The following MACROD1 variants were observed in gnomAD, a reference collection of about 807,000 sequenced individuals.
The protein encoded by MACROD1 is mono-ADP ribosylhydrolase 1.
A neutral mutation model predicts 41.4 loss-of-function variants in MACROD1; 31 were observed. The observed-to-expected ratio is 0.75, with a 90% CI of 0.56 to 1.01. The LOEUF (loss-of-function observed/expected upper bound fraction) is 1.01. MACROD1 is among the 50% of genes least tolerant of loss of function. The pLI is 0.00. For missense variants in MACROD1, 473 were observed against 460.0 expected (o/e 1.03, Z -0.26); for synonymous variants, 252 against 203.4 (o/e 1.24, Z -2.03).
chr11:64,133,330 T>TGC (rs1420465601), intron 3 of MACROD1, among the ~76,000 whole-genome samples: 3 of 152,190 alleles, frequency 2.0e-5, no homozygotes, highest in African/African-American at 7.2e-5. Flanking sequence ...GGCCAGGCTA[T>TGC]GCCTCAAAAG....
chr11:64,131,261 G>A (rs1423124906), intron 3 of MACROD1, among the ~76,000 whole-genome samples: 2 of 152,220 alleles, frequency 1.3e-5, no homozygotes, highest in African/African-American at 4.8e-5. Context: ...ATAGCTCAGA[G>A]TGACGGGGAG....
At chr11:64,132,552 A>G (rs1325748072) in intron 3 of MACROD1, among the ~76,000 whole-genome samples, 1 of 152,158 alleles carries the variant, frequency 6.6e-6, no homozygotes, top group Non-Finnish European at 1.5e-5. Context: ...GGCCCTCCCC[A>G]GTCAGCGGCT....
At position 64,028,607 on chromosome 11, in the gene MACROD1, C is replaced by A. The variant is rs536666158; in HGVS notation, c.518-13326G>T. 3.3e-5 allele frequency among the ~76,000 whole-genome samples: 5 copies of A among 152,350 alleles called. No individual in the cohort carries two copies. The East Asian group carries it at 9.6e-4, about 29-fold the overall frequency. On this transcript the variant is annotated intron_variant, in intron 3 of 10. Coordinates refer to ENST00000255681, the MANE Select transcript of MACROD1 (RefSeq NM_014067.4). ...GCTCAGCTCTTTAAGAATCCCTCCT[C>A]GGCAGCGGCAGCGTGCTGGTTGCTG...
chr11:64,119,119 G>A (rs371295930), intron 3 of MACROD1: 16 of 167,134 alleles, frequency 9.6e-5, no homozygotes, highest in South Asian at 2.1e-4. Flanking sequence ...GGTCCTTACC[G>A]TTCTTCTTGG....
chr11:64,001,788 G>C (rs1230775639), intron 4 of MACROD1: 8 of 701,448 alleles, frequency 1.1e-5, no homozygotes, highest in African/African-American at 1.7e-5. Flanking sequence ...GGGCGTCCAG[G>C]CTGGAGCTCC....
chr11:64,035,806 C>A (rs1304415235), intron 3 of MACROD1, among the ~76,000 whole-genome samples: 2 of 122,260 alleles, frequency 1.6e-5, no homozygotes, highest in East Asian at 2.4e-4. Flanking sequence ...GAGAGGCGGC[C>A]GCACAGCCTG....
intron 3 of MACROD1, among the ~76,000 whole-genome samples, chr11:64,119,865 A>G (rs1197102061): frequency 6.6e-6 from 1 of 152,170 alleles, no homozygotes; most frequent in Non-Finnish European, 1.5e-5. Context: ...ATGACAGCGA[A>G]TTGGAGAGGG....
At chr11:64,104,829 G>A (rs1010672666) in intron 3 of MACROD1, among the ~76,000 whole-genome samples, 3 of 152,288 alleles carry the variant, frequency 2.0e-5, no homozygotes, top group South Asian at 2.1e-4. Flanking sequence ...CACAACAGGC[G>A]GTGAGTCCTC....
At chr11:64,109,184 C>A (rs1459661571) in intron 3 of MACROD1, among the ~76,000 whole-genome samples, 2 of 152,100 alleles carry the variant, frequency 1.3e-5, no homozygotes, top group African/African-American at 4.8e-5. Context: ...CCAGAAGCTC[C>A]TGGGACATGC....
intron 3 of MACROD1, among the ~76,000 whole-genome samples, chr11:64,033,836 C>T (rs1044498437): frequency 1.3e-5 from 2 of 151,854 alleles, no homozygotes; most frequent in African/African-American, 4.8e-5. Context: ...AGTGAAACGC[C>T]GCCCCCCCAA....
At chr11:64,072,268 T>C (rs1590869142) in intron 3 of MACROD1, among the ~76,000 whole-genome samples, 1 of 151,604 alleles carries the variant, frequency 6.6e-6, no homozygotes, top group African/African-American at 2.4e-5. Flanking sequence ...GGTACAGGGG[T>C]GATGCCGGCC....
chr11:64,085,415 CG>C (rs1216565697), intron 3 of MACROD1, among the ~76,000 whole-genome samples: 1 of 152,156 alleles, frequency 6.6e-6, no homozygotes, highest in Non-Finnish European at 1.5e-5. Context: ...GGACGGAGGG[CG>C]GGGGAGACTG....
At chr11:64,157,057 G>A (rs999705798) in intron 1 of MACROD1, among the ~76,000 whole-genome samples, 7 of 152,070 alleles carry the variant, frequency 4.6e-5, no homozygotes, top group African/African-American at 1.7e-4. Flanking sequence ...AGAAACAGGG[G>A]CCTTAAGCCA....
intron 3 of MACROD1, among the ~76,000 whole-genome samples, chr11:64,016,346 G>T (rs1329821238): frequency 6.6e-6 from 1 of 152,242 alleles, no homozygotes; most frequent in Admixed American, 6.5e-5. Context: ...AGGCCAGGCA[G>T]GTGCCGCCCA....
intron 4 of MACROD1, 48 bp downstream of exon 4, chr11:64,015,204 A>C (rs1590801890): frequency 6.4e-7 from 1 of 1,552,118 alleles, no homozygotes; most frequent in Non-Finnish European, 8.7e-7. Context: ...CAGACCCAGC[A>C]GGGGAGATGC....
intron 3 of MACROD1, among the ~76,000 whole-genome samples, chr11:64,047,623 G>A (rs1943609430): frequency 6.6e-6 from 1 of 152,142 alleles, no homozygotes; most frequent in African/African-American, 2.4e-5. Flanking sequence ...AAGGCCGGGC[G>A]CGGTGGCTTA....
At chr11:64,127,660 G>A (rs955576748) in intron 3 of MACROD1, among the ~76,000 whole-genome samples, 4 of 152,234 alleles carry the variant, frequency 2.6e-5, no homozygotes, top group African/African-American at 9.6e-5. Flanking sequence ...AGCTGAACCA[G>A]AGCTGAACGT....
At chr11:64,123,550 G>T (rs1405175863) in intron 3 of MACROD1, among the ~76,000 whole-genome samples, 1 of 137,826 alleles carries the variant, frequency 7.3e-6, no homozygotes, top group Non-Finnish European at 1.6e-5. Flanking sequence ...GGGGGGTTGG[G>T]GGTGCAAGAT....
intron 3 of MACROD1, among the ~76,000 whole-genome samples, chr11:64,150,333 G>T (rs139055527): frequency 7.2e-5 from 11 of 152,364 alleles, no homozygotes; most frequent in African/African-American, 2.6e-4. Flanking sequence ...TGGGGACGAA[G>T]GAGACTCGAG....
Sources: allele counts gnomAD v4.1 joint callset (sites outside exome capture counted in the v4.1 genomes callset), GRCh38; gene constraint gnomAD v4.1.1; transcripts MANE v1.5; gene names NCBI Gene and HGNC (gene_info 2026-07-23, HGNC 2026-07-21).